The following PELP1 variants were observed in gnomAD, a reference collection of about 807,000 sequenced individuals.
The protein encoded by PELP1 is proline, glutamate and leucine rich protein 1, also known as proline-, glutamic acid- and leucine-rich protein 1.
In PELP1, 32 loss-of-function variants were observed where a neutral mutation model predicts 95.5. The observed-to-expected ratio is 0.34, with a 90% CI of 0.25 to 0.45. The LOEUF (loss-of-function observed/expected upper bound fraction) is 0.45, where lower values mean the gene tolerates loss of function less well. PELP1 is among the 20% of genes least tolerant of loss of function. The probability of loss-of-function intolerance (pLI) is 1.00; values close to 1 mark genes in which losing one functional copy is unlikely to be tolerated. For missense variants in PELP1, 1,358 were observed against 1,444.8 expected (o/e 0.94, Z 0.97); for synonymous variants, 668 against 600.1 (o/e 1.11, Z -1.65).
intron 1 of PELP1, 94 bp from the exon 2 acceptor site, chr17:4,691,536 C>T (rs1246123754): frequency 2.0e-6 from 2 of 1,014,696 alleles, no homozygotes; most frequent in African/African-American, 3.2e-5. Context: ...ACCTATGAAG[C>T]CTTTCTGAAG....
chr17:4,690,550 C>T (rs745829194), intron 3 of PELP1, among the ~76,000 whole-genome samples: 1 of 152,012 alleles, frequency 6.6e-6, no homozygotes, highest in Non-Finnish European at 1.5e-5. Flanking sequence ...GTTAAAACCT[C>T]GTCTCTACTA....
intron 3 of PELP1, among the ~76,000 whole-genome samples, chr17:4,683,788 C>CG (rs946383254): frequency 2.1e-3 from 2 of 942 alleles, no homozygotes; most frequent in Non-Finnish European, 0.12. Context: ...ACTTCAGACT[C>CG]CAAAGTGCTA....
chr17:4,687,677 C>T (rs995591978), intron 3 of PELP1, among the ~76,000 whole-genome samples: 1 of 152,068 alleles, frequency 6.6e-6, no homozygotes, highest in Admixed American at 6.5e-5. Context: ...ATAAACATTT[C>T]CTATTTGTAA....
At chr17:4,674,737 G>A in intron 12 of PELP1, 68 bp from the exon 13 acceptor site, 1 of 1,587,258 alleles carries the variant, frequency 6.3e-7, no homozygotes, top group African/African-American at 1.4e-5. Context: ...ACAGCAGACA[G>A]TGTTTCCTGA....
intron 5 of PELP1, among the ~76,000 whole-genome samples, chr17:4,679,728 A>G (rs4790674): frequency 0.69 from 104,729 of 152,120 alleles, 36,989 homozygotes; most frequent in East Asian, 1. Flanking sequence ...ATCTTTAATA[A>G]AATCGATGAG....
intron 3 of PELP1, among the ~76,000 whole-genome samples, chr17:4,686,511 T>C (rs1912914352): frequency 6.6e-6 from 1 of 152,092 alleles, no homozygotes; most frequent in South Asian, 2.1e-4. Flanking sequence ...GCCAGAGATA[T>C]ATTTTCTTTC....
intron 4 of PELP1, 109 bp from the exon 5 acceptor site, chr17:4,682,682 G>A (rs957473474): frequency 1.3e-4 from 181 of 1,437,404 alleles, no homozygotes; most frequent in Non-Finnish European, 1.6e-4. Flanking sequence ...CTTTTTCTTG[G>A]CCCCTCCCTC....
chr17:4,671,268 C>A lies in PELP1; in HGVS notation c.*171G>T. ...TGTCAGTTGTTCCTCTCTGGATCGT[C>A]AAAAAGAGGACAGCTATGGAGACAT... is the stretch of plus-strand genomic sequence containing the variant. On this transcript the variant is annotated 3_prime_UTR_variant, in exon 17 of 17. Transcript: ENST00000572293. 1.6e-6 allele frequency: 1 copy of A among 608,402 alleles called. No homozygotes were observed. Among genetic ancestry groups the A allele is most frequent in the East Asian group, 2.7e-5 (1 of 36,432 alleles). The allele number at this position is 608,402 out of a possible 1,614,324, so 37.7% of individuals were successfully genotyped here.
chr17:4,701,872 GA>G (rs1255253140), intron 1 of PELP1, among the ~76,000 whole-genome samples: 1 of 152,058 alleles, frequency 6.6e-6, no homozygotes, highest in South Asian at 2.1e-4. Context: ...GACACAAGTA[GA>G]AAAAAAATTC....
At position 4,691,011 on chromosome 17, in the gene PELP1, A is replaced by T; in HGVS notation, c.315-18T>A. 1 of 1,548,502 alleles carries T rather than the reference A, an allele frequency of 6.5e-7. No homozygotes were observed. The highest frequency in any genetic ancestry group is 1.7e-4 in the Middle Eastern group (1 of 5,910). On this transcript the variant is annotated intron_variant, in intron 2 of 16. Coordinates refer to ENST00000572293, the MANE Select transcript of PELP1 (RefSeq NM_014389.3). The stretch of plus-strand genomic sequence containing the variant: ...CCTCAAACCTTCAAAGAAAGAAGAG[A>T]GTCATGTTAAGTGGGCGGAGGCTAG...
chr17:4,676,082 G>T lies in PELP1; in HGVS notation c.934C>A (p.Arg312=). 1 of 1,613,958 alleles carries T rather than the reference G, an allele frequency of 6.2e-7. No homozygotes were observed. The highest frequency in any genetic ancestry group is 8.5e-7 in the Non-Finnish European group (1 of 1,179,878). ...CGGGCCAGTCCCGAAAACCTCTGCC[G>T]AAGCTGGAGAAGGACATGGGCATCA... ...DGDAHVLLQL[R]QRFSGLARCL... Residue 312 remains arginine, a synonymous_variant, in exon 8 of 17, where the codon CGG becomes AGG. Transcript: ENST00000572293.
Position 4,703,950 on chromosome 17 carries a change from A to C in PELP1, c.162T>G (p.Ala54=), listed in dbSNP as rs1316381633. The change falls in exon 1 of 17, where the codon GCT becomes GCG. Residue 54 remains alanine (A), a synonymous_variant. Coordinates refer to ENST00000572293, the MANE Select transcript of PELP1 (RefSeq NM_014389.3). The part of the protein sequence containing the change: ...LLQPRTGSAV[A]PVHPPNRSAP... Reference sequence around the variant, plus strand: ...CCGAGCGGTTTGGGGGATGCACCGGAGCAACGGCAGACCCCGTTCGAGGTT... The same window carrying C: ...CCGAGCGGTTTGGGGGATGCACCGGCGCAACGGCAGACCCCGTTCGAGGTT... The C allele has an allele frequency of 6.2e-7, 1 of 1,613,592 alleles. No homozygotes were observed. The highest frequency in any genetic ancestry group is 2.2e-5 in the East Asian group (1 of 44,858).
At position 4,672,589 on chromosome 17, in the gene PELP1, G is replaced by A. The variant is rs756748635; in HGVS notation, c.2402C>T (p.Pro801Leu). 10 of 1,591,992 alleles carry A rather than the reference G, an allele frequency of 6.3e-6. No homozygotes were observed. Among genetic ancestry groups the A allele is most frequent in the Middle Eastern group, 3.9e-4 (2 of 5,136 alleles). Residue 801 changes from proline to leucine, a missense_variant, in exon 16 of 17, where the codon CCA (proline) becomes CTA (leucine). Pro to Leu is a moderately conservative substitution (Grantham distance 98). Around this residue, in one of 7 missense-constraint regions of PELP1, gnomAD observed 340 missense variants for 322.9 expected, o/e 1.05. Transcript: ENST00000572293. ...VPEGLPPLPP[P>L]PPSGATPPPI... is the part of the protein sequence containing the mutation. ...GGGTGGTGTGGCACCTGAGGGTGGTGGGGGTGGCAGGGGGGGAAGCCCCTC... is the reference window on the plus strand; with the variant it reads ...GGGTGGTGTGGCACCTGAGGGTGGTAGGGGTGGCAGGGGGGGAAGCCCCTC...
chr17:4,686,366 G>A (rs12948841), intron 3 of PELP1, among the ~76,000 whole-genome samples: 148,868 of 152,234 alleles, frequency 0.98, 72,872 homozygotes, highest in Middle Eastern at 1. Flanking sequence ...TCTCAAACCT[G>A]TATCGTTCTC....
At position 4,671,334 on chromosome 17, in the gene PELP1, C is replaced by A. The variant is rs1912189596; in HGVS notation, c.*105G>T. On this transcript the variant is annotated 3_prime_UTR_variant, in exon 17 of 17. Transcript: ENST00000572293. ...GACACCCTGAAAAGCCCAGCAGACACTTGAGCTTCTGGCTGGGGACCCAGG... is the reference window on the plus strand; with the variant it reads ...GACACCCTGAAAAGCCCAGCAGACAATTGAGCTTCTGGCTGGGGACCCAGG... 3 of 713,826 alleles carry A rather than the reference C, an allele frequency of 4.2e-6. No individual in the cohort carries two copies. The African/African-American group carries it at 5.2e-5, about 12-fold the overall frequency. 44.2% of individuals were successfully genotyped at this position (713,826 alleles called of 1,614,324 possible).
In PELP1 at chr17:4,673,490, C is replaced by T; in HGVS notation, c.1639-34G>A. 1 of 1,569,552 alleles carries T rather than the reference C, an allele frequency of 6.4e-7. No homozygotes were observed. The highest frequency in any genetic ancestry group is 8.7e-7 in the Non-Finnish European group (1 of 1,149,086). ...GACAGAGCACACCTGGAAACATCCC[C>T]AAGACCACCCAACCCTTCTCCAGAG... On this transcript the variant is annotated intron_variant, in intron 14 of 16. Coordinates refer to ENST00000572293, the MANE Select transcript of PELP1 (RefSeq NM_014389.3). The surrounding 1 kb of genome is among the most constrained non-coding windows in gnomAD (Gnocchi z 5.7).
chr17:4,700,688 G>A (rs1913487780), intron 1 of PELP1, among the ~76,000 whole-genome samples: 1 of 152,006 alleles, frequency 6.6e-6, no homozygotes, highest in Non-Finnish European at 1.5e-5. Flanking sequence ...ATTTTGGGGG[G>A]CCAAGGCGGG....
In PELP1 at chr17:4,682,970, G is replaced by T; in HGVS notation, c.421-18C>A. ...TCCTGGGTCTAAAGAAAAAAATAAT[G>T]TCTCGTGCTTCCAGCCTCACCTTGA... On this transcript the variant is annotated intron_variant, in intron 3 of 16. Transcript: ENST00000572293. 2 of 1,459,168 alleles carry T rather than the reference G, an allele frequency of 1.4e-6. No individual in the cohort carries two copies. The highest frequency in any genetic ancestry group is 1.8e-6 in the Non-Finnish European group (2 of 1,104,510). The allele number at this position is 1,459,168 out of a possible 1,614,324, so 90.4% of individuals were successfully genotyped here.
chr17:4,678,087 A>G (rs1912558267), intron 5 of PELP1, among the ~76,000 whole-genome samples: 2 of 149,808 alleles, frequency 1.3e-5, no homozygotes. Context: ...AGTGGTGGGC[A>G]CCTGTAATCC....
Sources: allele counts gnomAD v4.1 joint callset (sites outside exome capture counted in the v4.1 genomes callset), GRCh38; gene constraint gnomAD v4.1.1; regional missense constraint gnomAD v4.1.1; non-coding constraint Gnocchi (gnomAD v3.1); transcripts MANE v1.5; gene names NCBI Gene and HGNC (gene_info 2026-07-23, HGNC 2026-07-21).